The following SLC29A4 variants were observed in gnomAD, a reference collection of about 807,000 sequenced individuals.
SLC29A4 encodes the protein equilibrative nucleoside transporter 4.
In SLC29A4, 36 loss-of-function variants were observed where a neutral mutation model predicts 43.9. The ratio of observed to expected loss-of-function variants is 0.82; its 90% confidence interval spans 0.63 to 1.08. The LOEUF is 1.08. Ranked by LOEUF, SLC29A4 falls within the 50% of genes least tolerant of loss-of-function variation. SLC29A4 has a pLI of 0.00. For missense variants in SLC29A4, 869 were observed against 755.3 expected (o/e 1.15, Z -1.77); for synonymous variants, 491 against 338.0 (o/e 1.45, Z -4.97).
intron 5 of SLC29A4, among the ~76,000 whole-genome samples, chr7:5,292,323 A>G (rs768006635): frequency 6.6e-6 from 1 of 152,176 alleles, no homozygotes; most frequent in Non-Finnish European, 1.5e-5. Flanking sequence ...TGTGTTGCCC[A>G]GGCTAGTCTT....
rs1359786499 is a variant in SLC29A4, at chr7:5,283,037, G to C, written c.-54G>C. On this transcript the variant is annotated 5_prime_UTR_variant, in exon 1 of 11. Transcript: ENST00000396872. ...CCCGGCCCGAGGCTGGGGGAGCGGG[G>C]CGGCGTGGCGGGCGCGCCGAGGACC... The C allele has an allele frequency of 6.8e-6, 1 of 146,340 alleles. No individual in the cohort carries two copies. Among genetic ancestry groups the C allele is most frequent in the Non-Finnish European group, 1.5e-5 (1 of 65,640 alleles). 9.1% of individuals were successfully genotyped at this position (146,340 alleles called of 1,614,324 possible).
intron 7 of SLC29A4, 100 bp from the exon 8 acceptor site, chr7:5,298,888 C>T (rs768839919): frequency 2.2e-5 from 30 of 1,360,334 alleles, no homozygotes; most frequent in Middle Eastern, 2.6e-4. Flanking sequence ...AATGTCAGCG[C>T]CAGCCCCAGT....
chr7:5,302,458 G>A (rs575239877), intron 10 of SLC29A4, among the ~76,000 whole-genome samples: 15 of 152,324 alleles, frequency 9.8e-5, no homozygotes, highest in Non-Finnish European at 1.3e-4. Flanking sequence ...TGGGAGGATC[G>A]CGTGAGCCCA....
chr7:5,283,362 A>AC (rs200428355), intron 1 of SLC29A4, among the ~76,000 whole-genome samples: 40,502 of 151,330 alleles, frequency 0.27, 5,525 homozygotes, highest in Middle Eastern at 0.36. Context: ...GTCCTCCCGC[A>AC]CGAAGTTCCT....
intron 2 of SLC29A4, among the ~76,000 whole-genome samples, chr7:5,289,830 C>T (rs1449709606): frequency 2.0e-5 from 3 of 152,134 alleles, no homozygotes; most frequent in Non-Finnish European, 2.9e-5. Context: ...CATGCTGACC[C>T]CTTCCCCAGA....
chr7:5,297,162 C>T lies in SLC29A4; in HGVS notation c.846C>T (p.Arg282=), dbSNP rs139639257. 759 of 1,597,874 alleles carry T rather than the reference C, an allele frequency of 4.8e-4. 4 individuals carry two copies. The African/African-American group carries it at 8.3e-3, about 17-fold the overall frequency. ...GCCTGGGCAGGGGCTATGGCTACCG[C>T]GTGCACCACGACGTTGTCGCCGGGG... is the stretch of plus-strand genomic sequence containing the variant. ...RPGLGRGYGY[R]VHHDVVAGDV... The change falls in exon 7 of 11, where the codon CGC becomes CGT. Residue 282 remains arginine, a synonymous_variant. Transcript: ENST00000396872.
rs960975778 is a variant in SLC29A4 at position 5,298,915 on chromosome 7, G to C, written c.883-73G>C. 4 of 1,538,696 alleles carry C rather than the reference G, an allele frequency of 2.6e-6. No homozygotes were observed. In the African/African-American group the frequency reaches 5.5e-5, roughly 21 times the overall value. On this transcript the variant is annotated intron_variant, in intron 7 of 10. Transcript: ENST00000396872. ...AGCCCCAGTGCGGCTCTTCTGATTG[G>C]GCCTGGATTCCTGGCCCGTGTCTCC... is the stretch of plus-strand genomic sequence containing the variant.
Position 5,302,304 on chromosome 7 carries a change from G to A in SLC29A4, c.1451-493G>A, listed in dbSNP as rs368829118. ...AGGGCCAGGCTCACTGGCTCAGGAC[G>A]GTGTTTTGGGAGGCCAAGGTAGGAC... On this transcript the variant is annotated intron_variant, in intron 10 of 10. Transcript: ENST00000396872. Among the ~76,000 whole-genome samples, 27 of 152,250 alleles carry A rather than the reference G, an allele frequency of 1.8e-4. No individual in the cohort carries two copies. The East Asian group carries it at 4.1e-3, about 23-fold the overall frequency.
intron 7 of SLC29A4, 81 bp from the exon 8 acceptor site, chr7:5,298,907 T>G: frequency 1.3e-6 from 2 of 1,511,880 alleles, no homozygotes; most frequent in Non-Finnish European, 1.8e-6. Flanking sequence ...GTGCGGCTCT[T>G]CTGATTGGGC....
rs1250315504 is a variant in SLC29A4 at position 5,303,259 on chromosome 7, C to T, written c.*320C>T. 3 of 433,172 alleles carry T rather than the reference C, an allele frequency of 6.9e-6. No individual in the cohort carries two copies. The highest frequency in any genetic ancestry group is 5.1e-5 in the South Asian group (2 of 39,552). 26.8% of individuals were successfully genotyped at this position (433,172 alleles called of 1,614,324 possible). On this transcript the variant is annotated 3_prime_UTR_variant, in exon 11 of 11. Transcript: ENST00000396872. ...AGCCAGCACTCTGCAGGGTCACACG[C>T]ACCGTGTCCCCACCCAGGACAGCAG...
intron 2 of SLC29A4, among the ~76,000 whole-genome samples, chr7:5,289,486 G>A (rs1172026938): frequency 2.0e-5 from 3 of 152,096 alleles, no homozygotes; most frequent in South Asian, 2.1e-4. Flanking sequence ...TGGAACCCAC[G>A]GGCAGGAGCT....
chr7:5,297,360 C>A (rs1023085456), intron 7 of SLC29A4, among the ~76,000 whole-genome samples, 162 bp downstream of exon 7: 2 of 152,232 alleles, frequency 1.3e-5, no homozygotes, highest in African/African-American at 4.8e-5. Flanking sequence ...ATTCTGTGTA[C>A]TCTTACTGAT....
chr7:5,285,396 C>G (rs1459015712), intron 1 of SLC29A4, among the ~76,000 whole-genome samples: 1 of 152,214 alleles, frequency 6.6e-6, no homozygotes, highest in Non-Finnish European at 1.5e-5. Flanking sequence ...GGGACCGCCT[C>G]TCCCCTGGTA....
intron 5 of SLC29A4, 146 bp from the exon 6 acceptor site, chr7:5,294,714 C>T: frequency 1.2e-6 from 1 of 807,506 alleles, no homozygotes; most frequent in Non-Finnish European, 2.1e-6. Flanking sequence ...GGTGTTCCTA[C>T]TGCTGCGTGT....
Position 5,299,306 on chromosome 7 carries a change from C to T in SLC29A4, c.1088C>T (p.Thr363Ile), listed in dbSNP as rs776935289. The T allele has an allele frequency of 1.2e-6, 2 of 1,612,058 alleles. No homozygotes were observed. Among genetic ancestry groups the T allele is most frequent in the East Asian group, 2.2e-5 (1 of 44,886 alleles). The change falls in exon 9 of 11, where the codon ACC becomes ATC. Residue 363 changes from threonine (T) to isoleucine (I), a missense_variant. Transcript: ENST00000396872. ...GCCGACATGCTCTCCATCGCCGTGACCTACTTCATCACGCTGTGCCTGTTC... is the reference window on the plus strand; with the variant it reads ...GCCGACATGCTCTCCATCGCCGTGATCTACTTCATCACGCTGTGCCTGTTC... The part of the protein sequence containing the change: ...IWADMLSIAV[T>I]YFITLCLFPG...
chr7:5,300,595 C>T lies in SLC29A4; in HGVS notation c.1383C>T (p.Gly461=), dbSNP rs149054702. 1.2e-6 allele frequency: 2 copies of T among 1,611,400 alleles called. No homozygotes were observed. Among genetic ancestry groups the T allele is most frequent in the African/African-American group, 1.3e-5 (1 of 74,868 alleles). The change falls in exon 10 of 11, where the codon GGC becomes GGT. Residue 461 remains glycine, a synonymous_variant. Transcript: ENST00000396872. ...IFSLLMGISN[G]YFGSVPMILA... is the part of the protein sequence containing the mutation. ...CACTGCTCATGGGCATCAGCAACGG[C>T]TACTTCGGCAGCGTGCCCATGATCC... is the stretch of plus-strand genomic sequence containing the variant.
intron 10 of SLC29A4, among the ~76,000 whole-genome samples, chr7:5,301,611 G>A (rs1786170293): frequency 6.6e-6 from 1 of 152,222 alleles, no homozygotes; most frequent in African/African-American, 2.4e-5. Context: ...GGGCATGGAG[G>A]TGAGTGAGGA....
At position 5,290,354 on chromosome 7, in the gene SLC29A4, C is replaced by T. The variant is rs547384798; in HGVS notation, c.170-378C>T. Among the ~76,000 whole-genome samples, 9 of 152,114 alleles carry T rather than the reference C, an allele frequency of 5.9e-5. No homozygotes were observed. In the East Asian group the frequency reaches 9.7e-4, roughly 16 times the overall value. Reference sequence around the variant, plus strand: ...CTGGGATTACAGTTGTGAGCCACGGCGCCTGGCCATTTTTTGTATTTTAGT... The same window carrying T: ...CTGGGATTACAGTTGTGAGCCACGGTGCCTGGCCATTTTTTGTATTTTAGT... On this transcript the variant is annotated intron_variant, in intron 2 of 10. Coordinates refer to ENST00000396872, the MANE Select transcript of SLC29A4 (RefSeq NM_153247.4).
At chr7:5,290,199 G>A (rs751928225) in intron 2 of SLC29A4, among the ~76,000 whole-genome samples, 2 of 152,060 alleles carry the variant, frequency 1.3e-5, no homozygotes, top group Admixed American at 6.6e-5. Context: ...GACTACAGGC[G>A]CCCACTACCA....
Sources: allele counts gnomAD v4.1 joint callset (sites outside exome capture counted in the v4.1 genomes callset), GRCh38; gene constraint gnomAD v4.1.1; transcripts MANE v1.5; gene names NCBI Gene and HGNC (gene_info 2026-07-23, HGNC 2026-07-21).